The following COQ8A variants were observed in gnomAD, a reference collection of about 807,000 sequenced individuals.
COQ8A encodes coenzyme Q8A.
Under a neutral mutation model 65.0 loss-of-function variants are expected in COQ8A, and 51 were observed. The ratio of observed to expected loss-of-function variants is 0.78; its 90% CI spans 0.63 to 0.99. COQ8A has a LOEUF of 0.99. Among genes scored for constraint, COQ8A ranks in the 50% least tolerant of loss-of-function variants. The pLI, the probability that COQ8A is intolerant of heterozygous loss-of-function variation, is 0.00. For missense variants in COQ8A, 940 were observed against 875.0 expected, an observed-to-expected ratio of 1.07 and a Z score of -0.94; for synonymous variants, 371 against 353.2, an observed-to-expected ratio of 1.05 and a Z score of -0.57.
chr1:226,967,099 CAT>C (rs1349334258), intron 4 of COQ8A, among the ~76,000 whole-genome samples: 1 of 152,196 alleles, frequency 6.6e-6, no homozygotes, highest in East Asian at 1.9e-4. Context: ...AGCAGTCCCT[CAT>C]AGAATATCAC....
chr1:226,985,820 C>T (rs1208212596), intron 14 of COQ8A, among the ~76,000 whole-genome samples: 1 of 152,186 alleles, frequency 6.6e-6, no homozygotes, highest in African/African-American at 2.4e-5. Flanking sequence ...CAGGTCAAGC[C>T]TTGGGTCTGC....
chr1:226,954,355 G>A (rs1184944351), intron 1 of COQ8A, among the ~76,000 whole-genome samples: 1 of 152,258 alleles, frequency 6.6e-6, no homozygotes, highest in African/African-American at 2.4e-5. Context: ...ATCCTGCCTG[G>A]CCATAGGCAT....
chr1:226,954,345 A>G (rs117924426), intron 1 of COQ8A, among the ~76,000 whole-genome samples: 1,714 of 152,378 alleles, frequency 0.011, 33 homozygotes, highest in East Asian at 0.047. Flanking sequence ...CTGTGGAGGC[A>G]TCCTGCCTGG....
At position 226,986,460 on chromosome 1, in the gene COQ8A, A is replaced by G; in HGVS notation, c.1667A>G (p.Glu556Gly). The G allele has an allele frequency of 6.2e-7, 1 of 1,612,250 alleles. No individual in the cohort carries two copies. The highest frequency in any genetic ancestry group is 8.5e-7 in the Non-Finnish European group (1 of 1,179,922). ...CTTCCTCTCTTGCCCCAGGTCATGG[A>G]AGACGCCCACTTGGATGCCATCCTC... ...FLTGYEVKVM[E>G]DAHLDAILIL... Residue 556 changes from glutamate (E) to glycine (G), a missense_variant, in exon 15 of 15, where the codon GAA becomes GGA. Coordinates refer to ENST00000366777, the MANE Select transcript of COQ8A (RefSeq NM_020247.5).
chr1:226,951,310 T>C (rs1432795087), intron 1 of COQ8A, among the ~76,000 whole-genome samples: 1 of 151,970 alleles, frequency 6.6e-6, no homozygotes, highest in Non-Finnish European at 1.5e-5. Flanking sequence ...ACCAACAACG[T>C]GGAGGGGAAT....
At chr1:226,980,859 A>C (rs1659641743) in intron 5 of COQ8A, among the ~76,000 whole-genome samples, 1 of 151,866 alleles carries the variant, frequency 6.6e-6, no homozygotes, top group East Asian at 1.9e-4. Context: ...GGCCCGCCCC[A>C]CCCTGGTTTC....
At chr1:226,985,527 G>A (rs1660049601) in intron 14 of COQ8A, among the ~76,000 whole-genome samples, 187 bp downstream of exon 14, 1 of 152,222 alleles carries the variant, frequency 6.6e-6, no homozygotes, top group South Asian at 2.1e-4. Flanking sequence ...GAGATTTTCC[G>A]AGTGGGCCAG....
chr1:226,983,999 G>A (rs1442467101), intron 10 of COQ8A, 95 bp from the exon 11 acceptor site: 2 of 1,478,920 alleles, frequency 1.4e-6, no homozygotes, highest in Non-Finnish European at 1.8e-6. Context: ...TGCCTGGGGT[G>A]AAGGAGGGCC....
At chr1:226,986,207 C>T (rs904043007) in intron 14 of COQ8A, among the ~76,000 whole-genome samples, 2 of 152,064 alleles carry the variant, frequency 1.3e-5, no homozygotes, top group Admixed American at 6.5e-5. Context: ...TGCCACGAGG[C>T]GGGACGCATC....
At chr1:226,952,649 C>T (rs1032537779) in intron 1 of COQ8A, among the ~76,000 whole-genome samples, 2 of 152,156 alleles carry the variant, frequency 1.3e-5, no homozygotes, top group Non-Finnish European at 2.9e-5. Context: ...TGGCTTCAAG[C>T]AATCTTCCCA....
In COQ8A at chr1:226,949,152, A is replaced by G. The variant is rs1657218943; in HGVS notation, c.-10+8753A>G. ...GGCGAGCGGGCCTGCCTGAGAAAGT[A>G]GGACCTGCAGAGTGGAGTGCGCTCA... On this transcript the variant is annotated intron_variant, in intron 1 of 14. Coordinates refer to ENST00000366777, the MANE Select transcript of COQ8A (RefSeq NM_020247.5). The surrounding 1 kb of genome is among the most constrained non-coding windows in gnomAD (Gnocchi z 4.0). 6.6e-6 allele frequency among the ~76,000 whole-genome samples: 1 copy of G among 151,906 alleles called. No individual in the cohort carries two copies.
chr1:226,962,204 A>T lies in COQ8A; in HGVS notation c.177+642A>T, dbSNP rs368462201. On this transcript the variant is annotated intron_variant, in intron 2 of 14. Transcript: ENST00000366777. ...CCTTCAGTTTGCTGAGGGTCTCTGC[A>T]CTCCTGACTGGGGGCCCTCCTTTCC... 5.5e-4 allele frequency among the ~76,000 whole-genome samples: 84 copies of T among 152,156 alleles called. 1 individual carries two copies. In the South Asian group the frequency reaches 0.016, roughly 29 times the overall value.
intron 1 of COQ8A, among the ~76,000 whole-genome samples, chr1:226,954,011 A>C (rs1039829271): frequency 1.3e-5 from 2 of 152,262 alleles, no homozygotes; most frequent in Admixed American, 1.3e-4. Context: ...GTGCCCACAC[A>C]GGCTAGAAAT....
At chr1:226,961,053 G>A (rs978736097) in intron 1 of COQ8A, among the ~76,000 whole-genome samples, 8 of 152,154 alleles carry the variant, frequency 5.3e-5, no homozygotes, top group African/African-American at 1.2e-4. Flanking sequence ...GTTCTGCTGC[G>A]AATCATGAAT....
At chr1:226,951,850 T>C (rs1054208798) in intron 1 of COQ8A, among the ~76,000 whole-genome samples, 2 of 151,832 alleles carry the variant, frequency 1.3e-5, no homozygotes, top group Admixed American at 6.6e-5. Flanking sequence ...TATAAATGGG[T>C]GAGCAGGCTG....
At chr1:226,951,951 A>T (rs560309833) in intron 1 of COQ8A, among the ~76,000 whole-genome samples, 31 of 152,212 alleles carry the variant, frequency 2.0e-4, no homozygotes, top group Non-Finnish European at 3.4e-4. Context: ...CCCTGGAAGG[A>T]CACTAATTAT....
Position 226,965,677 on chromosome 1 carries a change from G to C in COQ8A, c.595G>C (p.Glu199Gln), listed in dbSNP as rs866489971. Reference protein sequence around the residue: ...ENKQHKQTLSEHARERKVPVT... With the variant: ...ENKQHKQTLSQHARERKVPVT... ...CTTTCTCGTCTCCCTCCAGCTCAGCGAGCATGCCCGGGAGCGGAAGGTGCC... is the reference window on the plus strand; with the variant it reads ...CTTTCTCGTCTCCCTCCAGCTCAGCCAGCATGCCCGGGAGCGGAAGGTGCC... The change falls in exon 4 of 15, where the codon GAG becomes CAG. Residue 199 changes from glutamate to glutamine, a missense_variant. Physicochemically the swap from Glu to Gln is conservative, Grantham distance 29 (BLOSUM62 2). Coordinates refer to ENST00000366777, the MANE Select transcript of COQ8A (RefSeq NM_020247.5). 4 of 1,613,966 alleles carry C rather than the reference G, an allele frequency of 2.5e-6. No individual in the cohort carries two copies. Among genetic ancestry groups the C allele is most frequent in the East Asian group, 4.5e-5 (2 of 44,894 alleles).
At chr1:226,952,035 T>C (rs1373480226) in intron 1 of COQ8A, among the ~76,000 whole-genome samples, 2 of 152,232 alleles carry the variant, frequency 1.3e-5, no homozygotes, top group Non-Finnish European at 2.9e-5. Flanking sequence ...TCCTGTTTTT[T>C]TGAGGATCGG....
intron 1 of COQ8A, among the ~76,000 whole-genome samples, chr1:226,951,202 T>C (rs1456076876): frequency 6.6e-6 from 1 of 152,188 alleles, no homozygotes; most frequent in African/African-American, 2.4e-5. Context: ...AGTGCTTGCC[T>C]TGCAAGGGGG....
Sources: allele counts gnomAD v4.1 joint callset (sites outside exome capture counted in the v4.1 genomes callset), GRCh38; gene constraint gnomAD v4.1.1; non-coding constraint Gnocchi (gnomAD v3.1); transcripts MANE v1.5; gene names NCBI Gene and HGNC (gene_info 2026-07-23, HGNC 2026-07-21).